Variants in SIPA1L1 observed in about 807,000 individuals in gnomAD.
The protein encoded by SIPA1L1 is signal-induced proliferation-associated 1-like protein 1.
Under a neutral mutation model 162.7 loss-of-function variants are expected in SIPA1L1, and 26 were observed. That is an observed-to-expected ratio of 0.16 (90% CI 0.12 to 0.22). SIPA1L1 has a LOEUF of 0.22. Among genes scored for constraint, SIPA1L1 ranks in the 10% least tolerant of loss-of-function variants. The pLI, the probability that SIPA1L1 is intolerant of heterozygous loss-of-function variation, is 1.00. For synonymous variants in SIPA1L1, 829 were observed against 837.4 expected, an observed-to-expected ratio of 0.99 and a Z score of 0.17; for missense variants, 1,874 against 2,241.0, an observed-to-expected ratio of 0.84 and a Z score of 3.31.
intron 2 of SIPA1L1, among the ~76,000 whole-genome samples, chr14:71,466,770 A>G (rs1567061509): frequency 2.0e-5 from 3 of 152,200 alleles, no homozygotes. Context: ...ATGGATGTTC[A>G]TGGTCTCAAG....
intron 2 of SIPA1L1, among the ~76,000 whole-genome samples, chr14:71,428,256 C>G (rs2043728711): frequency 1.3e-5 from 2 of 151,972 alleles, no homozygotes; most frequent in African/African-American, 4.8e-5. Flanking sequence ...CTCAGCCTCC[C>G]AAAATGCTGG....
intron 5 of SIPA1L1, among the ~76,000 whole-genome samples, chr14:71,617,179 C>G (rs2038936348): frequency 6.6e-6 from 1 of 152,162 alleles, no homozygotes. Flanking sequence ...CTGTCTCCTC[C>G]CTTTCTGTTT....
chr14:71,462,658 G>T (rs147870441), intron 2 of SIPA1L1, among the ~76,000 whole-genome samples: 1,557 of 152,218 alleles, frequency 0.01, 28 homozygotes, highest in African/African-American at 0.036. Flanking sequence ...ATTTTAGTTG[G>T]ATTTATTTCC....
At chr14:71,345,575 CT>C (rs11405671) in intron 2 of SIPA1L1, among the ~76,000 whole-genome samples, 276 of 138,996 alleles carry the variant, frequency 2.0e-3, no homozygotes, top group African/African-American at 2.3e-3. Flanking sequence ...ACAGCTTACT[CT>C]TTTTTTTTTT....
At chr14:71,625,681 A>G (rs1216416934) in intron 7 of SIPA1L1, among the ~76,000 whole-genome samples, 1 of 152,242 alleles carries the variant, frequency 6.6e-6, no homozygotes, top group Admixed American at 6.5e-5. Flanking sequence ...CATTTATTCT[A>G]ACAAAGGAGT....
chr14:71,561,241 TG>T (rs1291714395), intron 4 of SIPA1L1, among the ~76,000 whole-genome samples: 2 of 152,206 alleles, frequency 1.3e-5, no homozygotes, highest in African/African-American at 4.8e-5. Context: ...AAAATTGCTT[TG>T]GTGTCACAAT....
chr14:71,429,356 T>C (rs1301573237), intron 2 of SIPA1L1, among the ~76,000 whole-genome samples: 1 of 152,158 alleles, frequency 6.6e-6, no homozygotes, highest in African/African-American at 2.4e-5. Context: ...CATTGTATTT[T>C]TGTATTTTAG....
At chr14:71,684,133 G>A (rs1016398630) in intron 12 of SIPA1L1, among the ~76,000 whole-genome samples, 1 of 152,212 alleles carries the variant, frequency 6.6e-6, no homozygotes, top group African/African-American at 2.4e-5. Context: ...CCTTGGAGAC[G>A]TGGGCTATGA....
intron 6 of SIPA1L1, among the ~76,000 whole-genome samples, chr14:71,620,728 A>G (rs1239608735): frequency 2.6e-5 from 4 of 151,960 alleles, no homozygotes; most frequent in African/African-American, 9.7e-5. Flanking sequence ...TCTGTCCTAA[A>G]TTCTGCTCTG....
At position 71,404,097 on chromosome 14, in the gene SIPA1L1, T is replaced by C. The variant is rs138732098; in HGVS notation, c.-465+82916T>C. On this transcript the variant is annotated intron_variant, in intron 2 of 23. Coordinates refer to ENST00000381232, the MANE Select transcript of SIPA1L1 (RefSeq NM_001386936.1). ...TGACTTTTGCCAGAAAGCTAAAAAT[T>C]CTGTTTTGAAGGTTGGCACTCAGGG... Among the ~76,000 whole-genome samples, 8 of 148,170 alleles carry C rather than the reference T, an allele frequency of 5.4e-5. No individual in the cohort carries two copies. In the East Asian group the frequency reaches 1.6e-3, roughly 30 times the overall value.
chr14:71,498,094 T>C (rs1323760380), intron 2 of SIPA1L1, among the ~76,000 whole-genome samples: 1 of 152,220 alleles, frequency 6.6e-6, no homozygotes, highest in African/African-American at 2.4e-5. Context: ...CTAATGGTGG[T>C]TTCAGACATC....
intron 11 of SIPA1L1, among the ~76,000 whole-genome samples, chr14:71,671,919 G>A (rs902632406): frequency 4.0e-5 from 6 of 151,712 alleles, no homozygotes; most frequent in Non-Finnish European, 8.8e-5. Flanking sequence ...GTGTGTGTGT[G>A]TGTGTGTGTG....
intron 2 of SIPA1L1, chr14:71,330,319 C>T: frequency 1.3e-6 from 1 of 779,840 alleles, no homozygotes; most frequent in Non-Finnish European, 2.4e-6. Flanking sequence ...ACATGAAGGG[C>T]TGTGGGCTGT....
intron 5 of SIPA1L1, among the ~76,000 whole-genome samples, chr14:71,605,524 T>C (rs1362906530): frequency 6.6e-6 from 1 of 152,218 alleles, no homozygotes; most frequent in African/African-American, 2.4e-5. Flanking sequence ...TGAGTTTACT[T>C]TCATGGGGAC....
chr14:71,731,390 C>T (rs750992798), intron 20 of SIPA1L1, among the ~76,000 whole-genome samples: 5 of 152,080 alleles, frequency 3.3e-5, no homozygotes, highest in African/African-American at 1.2e-4. Context: ...GTTGTCTTTG[C>T]GCCAGGAAGT....
At chr14:71,605,569 T>C (rs1478462676) in intron 5 of SIPA1L1, among the ~76,000 whole-genome samples, 1 of 152,202 alleles carries the variant, frequency 6.6e-6, no homozygotes, top group Non-Finnish European at 1.5e-5. Flanking sequence ...TAGTGCTGAT[T>C]GGGTAGGGCA....
At chr14:71,674,629 G>A (rs61994383) in intron 12 of SIPA1L1, among the ~76,000 whole-genome samples, 2 of 149,436 alleles carry the variant, frequency 1.3e-5, no homozygotes, top group Non-Finnish European at 3.0e-5. Flanking sequence ...CAGTGGCGGG[G>A]TCTCGGCTCA....
At chr14:71,737,306 A>G (rs183102659) in intron 22 of SIPA1L1, among the ~76,000 whole-genome samples, 1 of 152,318 alleles carries the variant, frequency 6.6e-6, no homozygotes, top group Admixed American at 6.5e-5. Context: ...TCCGTGACCT[A>G]GAAAATTCGG....
intron 2 of SIPA1L1, among the ~76,000 whole-genome samples, chr14:71,374,988 A>G (rs911429789): frequency 3.9e-5 from 6 of 152,188 alleles, no homozygotes; most frequent in African/African-American, 1.4e-4. Flanking sequence ...TGTTTCTCCA[A>G]TAGAGACAGA....
Sources: allele counts gnomAD v4.1 joint callset (sites outside exome capture counted in the v4.1 genomes callset), GRCh38; gene constraint gnomAD v4.1.1; transcripts MANE v1.5; gene names NCBI Gene and HGNC (gene_info 2026-07-23, HGNC 2026-07-21).